The following BLM variants were observed in gnomAD, a reference collection of about 807,000 sequenced individuals.
The protein encoded by BLM is recQ-like DNA helicase BLM.
BLM carries 95 observed loss-of-function variants against 135.3 expected under a neutral mutation model. The ratio of observed to expected loss-of-function variants is 0.70; its 90% CI spans 0.59 to 0.83. The LOEUF (loss-of-function observed/expected upper bound fraction) is 0.83. Ranked by LOEUF, BLM falls within the 40% of genes least tolerant of loss-of-function variation. The pLI is 0.00. For missense variants in BLM, 1,518 were observed against 1,663.9 expected (o/e 0.91, Z 1.53); for synonymous variants, 520 against 589.2 (o/e 0.88, Z 1.70).
chr15:90,776,584 C>T (rs562226525), intron 12 of BLM, among the ~76,000 whole-genome samples: 42 of 152,236 alleles, frequency 2.8e-4, no homozygotes, highest in African/African-American at 9.1e-4. Context: ...TACAGTGGTG[C>T]GATCTCGGCT....
intron 2 of BLM, among the ~76,000 whole-genome samples, chr15:90,748,826 C>T (rs1456604612): frequency 2.0e-5 from 3 of 150,950 alleles, no homozygotes; most frequent in Non-Finnish European, 2.9e-5. Context: ...AGTATAGTCT[C>T]GGCTCACTGT....
At position 90,749,938 on chromosome 15, in the gene BLM, CAGA is replaced by C. The variant is rs767175929; in HGVS notation, c.673_675del (p.Lys225del). 1 of 1,614,054 alleles carries C rather than the reference CAGA, an allele frequency of 6.2e-7. No individual in the cohort carries two copies. ...CGAGCAAATAGATTTGACTGAGGAA[CAGA>C]AGGATGACTCAGAATGGTTAAGCAG... On this transcript the variant is annotated inframe_deletion, in exon 3 of 22. Transcript: ENST00000355112.
chr15:90,721,127 CTTTGG>C (rs2151125341), intron 1 of BLM, among the ~76,000 whole-genome samples: 1 of 152,208 alleles, frequency 6.6e-6, no homozygotes, highest in African/African-American at 2.4e-5. Context: ...ATTCCTCTCT[CTTTGG>C]TTTAATAGGT....
chr15:90,730,624 T>A (rs1024131621), intron 1 of BLM, among the ~76,000 whole-genome samples: 8 of 151,960 alleles, frequency 5.3e-5, no homozygotes, highest in Non-Finnish European at 1.0e-4. Flanking sequence ...ATTTTTGTAT[T>A]TTAGGTAGAG....
At position 90,785,038 on chromosome 15, in the gene BLM, GA is replaced by G. The variant is rs779027186; in HGVS notation, c.2781del (p.Asp928MetfsTer34). On this transcript the variant is annotated frameshift_variant, in exon 14 of 22. Coordinates refer to ENST00000355112, the MANE Select transcript of BLM (RefSeq NM_000057.4). LOFTEE classifies it high-confidence loss of function. ...CATGCTGGCCTCAGTGATTCTGCCA[GA>G]GATGAAGTGCAGCAGAAGTGGATTA... ...AYHAGLSDSARDEVQQKWINQ... is the reference protein window; with the variant it reads ...AYHAGLSDSAXDEVQQKWINQ... 4.3e-6 allele frequency: 7 copies of G among 1,614,168 alleles called. No individual in the cohort carries two copies. Among genetic ancestry groups the G allele is most frequent in the Non-Finnish European group, 5.9e-6 (7 of 1,180,034 alleles).
chr15:90,781,468 TAAC>T (rs1444696034), intron 12 of BLM, among the ~76,000 whole-genome samples: 1 of 151,822 alleles, frequency 6.6e-6, no homozygotes, highest in East Asian at 1.9e-4. Flanking sequence ...CTACTAAAAA[TAAC>T]AAAAATGAGC....
In BLM at chr15:90,749,644, C is replaced by T. The variant is rs587778106; in HGVS notation, c.376C>T (p.Pro126Ser). The change falls in exon 3 of 22, where the codon CCA (proline) becomes TCA (serine). Residue 126 changes from proline (P) to serine (S), a missense_variant. Pro to Ser is a moderately conservative substitution (Grantham distance 74). This residue lies in a region of BLM where 724 missense variants were observed against 756.9 expected (regional missense o/e 0.96). Coordinates refer to ENST00000355112, the MANE Select transcript of BLM (RefSeq NM_000057.4). ...AGTTGTATGCACTACCCAAAACACA[C>T]CAACTGTAAAGAAATCCCGGGATAC... ...KEVVCTTQNTPTVKKSRDTAL... is the reference protein window; with the variant it reads ...KEVVCTTQNTSTVKKSRDTAL... 1.9e-5 allele frequency: 31 copies of T among 1,614,004 alleles called. No homozygotes were observed. The highest frequency in any genetic ancestry group is 2.4e-5 in the Non-Finnish European group (28 of 1,180,024).
In BLM at chr15:90,784,003, AT is replaced by A. The variant is rs538479260; in HGVS notation, c.2663-911del. ...ATTAATTTCTAGTATTTTTCTATGC[AT>A]TTTTTTCTACTAGCATACTATATAC... is the stretch of plus-strand genomic sequence containing the variant. On this transcript the variant is annotated intron_variant, in intron 13 of 21. Transcript: ENST00000355112. Among the ~76,000 whole-genome samples the A allele has an allele frequency of 5.8e-4, 89 of 152,226 alleles. No individual in the cohort carries two copies. In the Middle Eastern group the frequency reaches 0.017, roughly 29 times the overall value.
chr15:90,811,151 A>G, intron 20 of BLM, 54 bp from the exon 21 acceptor site: 1 of 1,589,414 alleles, frequency 6.3e-7, no homozygotes, highest in South Asian at 1.1e-5. Context: ...ATACACTAAA[A>G]ACACGTGGAC....
chr15:90,790,906 C>A, intron 15 of BLM, 62 bp downstream of exon 15: 1 of 1,481,136 alleles, frequency 6.8e-7, no homozygotes, highest in South Asian at 1.1e-5. Context: ...GTAGTCTACT[C>A]CTGCTATTGT....
At chr15:90,735,705 T>A (rs917971221) in intron 1 of BLM, among the ~76,000 whole-genome samples, 14 of 152,134 alleles carry the variant, frequency 9.2e-5, no homozygotes, top group Admixed American at 2.0e-4. Flanking sequence ...TAATTTTTTT[T>A]AAATTACCTA....
At chr15:90,760,424 T>C in intron 6 of BLM, 145 bp downstream of exon 6, 1 of 1,332,494 alleles carries the variant, frequency 7.5e-7, no homozygotes, top group East Asian at 2.3e-5. Flanking sequence ...TTGATTTGTT[T>C]ACTTTTCAAA....
At chr15:90,780,402 T>C (rs1049530501) in intron 12 of BLM, among the ~76,000 whole-genome samples, 2 of 152,088 alleles carry the variant, frequency 1.3e-5, no homozygotes, top group Non-Finnish European at 2.9e-5. Flanking sequence ...TTTTTCTAAT[T>C]AGAGACGAGG....
intron 21 of BLM, among the ~76,000 whole-genome samples, chr15:90,814,726 G>C (rs1877247584): frequency 1.3e-5 from 2 of 152,200 alleles, no homozygotes; most frequent in South Asian, 4.1e-4. Flanking sequence ...TTACAGCAAG[G>C]TGTTTCACTT....
intron 1 of BLM, among the ~76,000 whole-genome samples, chr15:90,721,121 C>T (rs1430051397): frequency 2.6e-5 from 4 of 152,002 alleles, no homozygotes; most frequent in African/African-American, 7.2e-5. Context: ...CGCAATATTC[C>T]TCTCTCTTTG....
chr15:90,741,221 G>A (rs1425225145), intron 1 of BLM, among the ~76,000 whole-genome samples: 1 of 152,130 alleles, frequency 6.6e-6, no homozygotes, highest in Non-Finnish European at 1.5e-5. Context: ...CTTGATTTGT[G>A]AAAGATATTT....
intron 1 of BLM, among the ~76,000 whole-genome samples, chr15:90,721,484 G>A (rs1383314315): frequency 2.0e-5 from 3 of 151,318 alleles, no homozygotes; most frequent in Non-Finnish European, 4.4e-5. Flanking sequence ...CCGCCACCAC[G>A]CCCGGCTAAT....
At chr15:90,770,190 T>C (rs1222502909) in intron 12 of BLM, among the ~76,000 whole-genome samples, 1 of 144,888 alleles carries the variant, frequency 6.9e-6, no homozygotes, top group Non-Finnish European at 1.5e-5. Context: ...TTTTTTTTTT[T>C]TGAGATGGAG....
At position 90,753,427 on chromosome 15, in the gene BLM, A is replaced by G. The variant is rs147980866; in HGVS notation, c.960-1384A>G. On this transcript the variant is annotated intron_variant, in intron 4 of 21. Transcript: ENST00000355112. The stretch of plus-strand genomic sequence containing the variant: ...AGCATTATTTCTAAATCATTTTCCA[A>G]TTGCTACATATTTAATTCCTTTTAA... Among the ~76,000 whole-genome samples the G allele has an allele frequency of 7.1e-4, 108 of 152,246 alleles. 1 individual carries two copies. The highest frequency in any genetic ancestry group is 2.4e-3 in the African/African-American group (98 of 41,546).
Sources: allele counts gnomAD v4.1 joint callset (sites outside exome capture counted in the v4.1 genomes callset), GRCh38; gene constraint gnomAD v4.1.1; regional missense constraint gnomAD v4.1.1; transcripts MANE v1.5; gene names NCBI Gene and HGNC (gene_info 2026-07-23, HGNC 2026-07-21).